The following XPO6 variants were observed in gnomAD, a reference collection of about 807,000 sequenced individuals.
XPO6 encodes exportin-6.
XPO6 carries 3 observed loss-of-function variants against 130.0 expected under a neutral mutation model. The observed-to-expected ratio is 0.02, with a 90% CI of 0.01 to 0.06. The LOEUF (loss-of-function observed/expected upper bound fraction) is 0.06. Ranked by LOEUF, XPO6 falls within the 10% of genes least tolerant of loss-of-function variation. XPO6 has a pLI of 1.00. For missense variants in XPO6, 970 were observed against 1,393.0 expected, an observed-to-expected ratio of 0.70 and a Z score of 4.83; for synonymous variants, 524 against 548.9, an observed-to-expected ratio of 0.95 and a Z score of 0.63.
rs143446303 is a variant in XPO6, at chr16:28,178,928, G to A, written c.95-1596C>T. Among the ~76,000 whole-genome samples, 285 of 152,120 alleles carry A rather than the reference G, an allele frequency of 1.9e-3. 9 individuals carry two copies. In the East Asian group the frequency reaches 0.046, roughly 24 times the overall value. ...CTAAAAATACAAAAATTAGCTGGGCGTAGTGGCAAGTGCCTCTAGTCCCAG... is the reference window on the plus strand; with the variant it reads ...CTAAAAATACAAAAATTAGCTGGGCATAGTGGCAAGTGCCTCTAGTCCCAG... On this transcript the variant is annotated intron_variant, in intron 2 of 23. Transcript: ENST00000304658.
intron 21 of XPO6, among the ~76,000 whole-genome samples, chr16:28,103,055 G>C (rs1330958138): frequency 1.3e-5 from 2 of 152,220 alleles, no homozygotes; most frequent in Non-Finnish European, 2.9e-5. Flanking sequence ...AAACTTTTGA[G>C]GTTTATCTTT....
intron 1 of XPO6, among the ~76,000 whole-genome samples, chr16:28,192,093 C>G (rs1567647250): frequency 1.3e-5 from 2 of 151,952 alleles, no homozygotes; most frequent in Non-Finnish European, 1.5e-5. Context: ...AACCCCATCT[C>G]TAATAAAAAT....
Position 28,116,327 on chromosome 16 carries a change from C to T in XPO6, c.2004+991G>A, listed in dbSNP as rs566787368. Among the ~76,000 whole-genome samples the T allele has an allele frequency of 1.9e-3, 282 of 152,152 alleles. 1 individual carries two copies. The highest frequency in any genetic ancestry group is 6.5e-3 in the African/African-American group (269 of 41,496). Reference sequence around the variant, plus strand: ...ATACAAAAAAATTAGCCAGGCAAGGCGGCAGGCGCCAGTAGTCCCAGCTAC... The same window carrying T: ...ATACAAAAAAATTAGCCAGGCAAGGTGGCAGGCGCCAGTAGTCCCAGCTAC... On this transcript the variant is annotated intron_variant, in intron 15 of 23. Transcript: ENST00000304658.
At chr16:28,202,779 C>T (rs2043972683) in intron 1 of XPO6, among the ~76,000 whole-genome samples, 1 of 152,154 alleles carries the variant, frequency 6.6e-6, no homozygotes, top group African/African-American at 2.4e-5. Flanking sequence ...CGGGTCATAG[C>T]TGAAGCCATG....
At chr16:28,156,956 A>C (rs1004348604) in intron 6 of XPO6, among the ~76,000 whole-genome samples, 3 of 152,218 alleles carry the variant, frequency 2.0e-5, no homozygotes, top group Non-Finnish European at 4.4e-5. Context: ...ATACATGACC[A>C]TTAAATAAAT....
At chr16:28,144,773 G>A (rs570920048) in intron 9 of XPO6, among the ~76,000 whole-genome samples, 5 of 152,270 alleles carry the variant, frequency 3.3e-5, no homozygotes, top group South Asian at 2.1e-4. Flanking sequence ...ATGTTAGTTC[G>A]TTATTTCAAT....
chr16:28,172,109 T>C (rs2043458815), intron 4 of XPO6, among the ~76,000 whole-genome samples: 2 of 152,092 alleles, frequency 1.3e-5, no homozygotes, highest in African/African-American at 4.8e-5. Context: ...CCTCTCACCA[T>C]TTAGGGGAAG....
intron 9 of XPO6, among the ~76,000 whole-genome samples, chr16:28,140,381 A>G (rs536022404): frequency 4.9e-4 from 75 of 151,560 alleles, no homozygotes; most frequent in African/African-American, 1.7e-3. Flanking sequence ...AAAATGTAAC[A>G]TTAAAATTTG....
intron 8 of XPO6, among the ~76,000 whole-genome samples, chr16:28,146,828 G>A (rs188184510): frequency 2.6e-5 from 4 of 152,198 alleles, no homozygotes; most frequent in East Asian, 3.9e-4. Flanking sequence ...AGGTGCTGAT[G>A]TGGAGGAACA....
At chr16:28,163,862 A>T (rs1468891045) in intron 6 of XPO6, among the ~76,000 whole-genome samples, 2 of 152,198 alleles carry the variant, frequency 1.3e-5, no homozygotes, top group African/African-American at 4.8e-5. Flanking sequence ...CACTCTGCTC[A>T]CTGGCGATGC....
chr16:28,105,409 G>C (rs1383349092), intron 20 of XPO6, among the ~76,000 whole-genome samples: 2 of 152,138 alleles, frequency 1.3e-5, no homozygotes, highest in African/African-American at 2.4e-5. Context: ...ATTCAGTTCA[G>C]CCTTGATTAA....
intron 9 of XPO6, among the ~76,000 whole-genome samples, chr16:28,145,587 C>A (rs2042969234): frequency 1.3e-5 from 2 of 152,130 alleles, no homozygotes; most frequent in Non-Finnish European, 2.9e-5. Flanking sequence ...TAAAAATGAA[C>A]ACCTTTTTCT....
intron 7 of XPO6, chr16:28,153,250 T>C (rs1424208828): frequency 1.0e-6 from 1 of 989,720 alleles, no homozygotes; most frequent in East Asian, 1.1e-4. Context: ...GTACTCAGGC[T>C]TGCAACTTAA....
At position 28,137,716 on chromosome 16, in the gene XPO6, T is replaced by C. The variant is rs1172198841; in HGVS notation, c.1335-2392A>G. Among the ~76,000 whole-genome samples the C allele has an allele frequency of 2.0e-5, 3 of 152,260 alleles. No homozygotes were observed. In the South Asian group the frequency reaches 6.2e-4, roughly 32 times the overall value. ...GTATTTATTTACTTATTTTTTAACA[T>C]AATTTCAACTTTTATGTTAGATTCA... is the stretch of plus-strand genomic sequence containing the variant. On this transcript the variant is annotated intron_variant, in intron 9 of 23. Coordinates refer to ENST00000304658, the MANE Select transcript of XPO6 (RefSeq NM_015171.4).
At chr16:28,172,590 G>A (rs1236848197) in intron 4 of XPO6, among the ~76,000 whole-genome samples, 1 of 152,048 alleles carries the variant, frequency 6.6e-6, no homozygotes, top group African/African-American at 2.4e-5. Context: ...TTTCAATTTC[G>A]ATTACTTCTC....
intron 14 of XPO6, among the ~76,000 whole-genome samples, 172 bp from the exon 15 acceptor site, chr16:28,117,634 T>A (rs1442088309): frequency 6.6e-6 from 1 of 152,168 alleles, no homozygotes; most frequent in Non-Finnish European, 1.5e-5. Flanking sequence ...ACTAAGATAT[T>A]CATCATCTAA....
chr16:28,144,857 C>T (rs1396592856), intron 9 of XPO6, among the ~76,000 whole-genome samples: 1 of 152,184 alleles, frequency 6.6e-6, no homozygotes, highest in African/African-American at 2.4e-5. Context: ...GGCTAAGTAC[C>T]TTACCCAAGT....
chr16:28,172,303 G>A (rs554934820), intron 4 of XPO6, among the ~76,000 whole-genome samples: 4 of 152,260 alleles, frequency 2.6e-5, no homozygotes, highest in East Asian at 3.9e-4. Flanking sequence ...GGTAATCTCT[G>A]CAATTTAACA....
intron 9 of XPO6, among the ~76,000 whole-genome samples, chr16:28,138,305 T>C (rs953860837): frequency 6.6e-6 from 1 of 152,172 alleles, no homozygotes; most frequent in African/African-American, 2.4e-5. Flanking sequence ...TCCACAATTC[T>C]CCTAGGAAAG....
Sources: allele counts gnomAD v4.1 joint callset (sites outside exome capture counted in the v4.1 genomes callset), GRCh38; gene constraint gnomAD v4.1.1; transcripts MANE v1.5; gene names NCBI Gene and HGNC (gene_info 2026-07-23, HGNC 2026-07-21).